TUBGCP2: variants seen among roughly 807,000 people sequenced by gnomAD.
The protein encoded by TUBGCP2 is gamma-tubulin complex component 2.
A neutral mutation model predicts 92.2 loss-of-function variants in TUBGCP2; 55 were observed. The observed-to-expected ratio is 0.60, with a 90% confidence interval of 0.48 to 0.75. The LOEUF (loss-of-function observed/expected upper bound fraction) is 0.75, where lower values mean the gene tolerates loss of function less well. TUBGCP2 is among the 30% of genes least tolerant of loss of function. TUBGCP2 has a pLI of 0.00. For missense variants in TUBGCP2, 1,093 were observed against 1,188.9 expected, an observed-to-expected ratio of 0.92 and a Z score of 1.19; for synonymous variants, 533 against 505.2, an observed-to-expected ratio of 1.06 and a Z score of -0.74.
In TUBGCP2 at chr10:133,292,901, G is replaced by C. The variant is rs1847394300; in HGVS notation, c.1024+138C>G. On this transcript the variant is annotated intron_variant, in intron 7 of 17. Transcript: ENST00000252936. ...TCCTCTTGCAAGTTAATAGCACATG[G>C]AGCAACATGAGCTTTGGCCACACGC... 2.6e-5 allele frequency: 29 copies of C among 1,121,952 alleles called. No individual in the cohort carries two copies. In the South Asian group the frequency reaches 4.0e-4, roughly 15 times the overall value. 69.5% of individuals were successfully genotyped at this position (1,121,952 alleles called of 1,614,324 possible).
chr10:133,308,319 G>A (rs1310605914), intron 1 of TUBGCP2, among the ~76,000 whole-genome samples: 1 of 152,216 alleles, frequency 6.6e-6, no homozygotes, highest in African/African-American at 2.4e-5. Context: ...CGGGAGCTGC[G>A]GGGACTGGAG....
chr10:133,293,533 G>A, intron 6 of TUBGCP2, 29 bp downstream of exon 6: 2 of 1,547,692 alleles, frequency 1.3e-6, no homozygotes, highest in Non-Finnish European at 8.7e-7. Context: ...CAACAGCGCA[G>A]GCTCCCAGGG....
chr10:133,292,567 C>A lies in TUBGCP2; in HGVS notation c.1146G>T (p.Ala382=), dbSNP rs762103235. The change falls in exon 8 of 18, where the codon GCG becomes GCT. Residue 382 remains alanine (A), a synonymous_variant. Transcript: ENST00000252936. ...GAACCTCGAAGTAGGGAGCACTGGCCGCCTTGGTTAGGTACAGGCATAGCT... is the reference window on the plus strand; with the variant it reads ...GAACCTCGAAGTAGGGAGCACTGGCAGCCTTGGTTAGGTACAGGCATAGCT... ...AQELCLYLTK[A]ASAPYFEVLE... 6.2e-7 allele frequency: 1 copy of A among 1,614,026 alleles called. No individual in the cohort carries two copies. The highest frequency in any genetic ancestry group is 8.5e-7 in the Non-Finnish European group (1 of 1,180,032).
chr10:133,302,837 G>T lies in TUBGCP2; in HGVS notation c.105C>A (p.Asn35Lys), dbSNP rs1847705854. 6.2e-7 allele frequency: 1 copy of T among 1,613,626 alleles called. No homozygotes were observed. Among genetic ancestry groups the T allele is most frequent in the Non-Finnish European group, 8.5e-7 (1 of 1,180,000 alleles). ...CAGTGGTAGTGACGTACGGGGTCCT[G>T]TTCTTTTGAAGCAGGTCAATGTAGA... Reference protein sequence around the residue: ...AEVYIDLLQKNRTPYVTTTVS... With the variant: ...AEVYIDLLQKKRTPYVTTTVS... The change falls in exon 2 of 18, where the codon AAC (asparagine) becomes AAA (lysine). Residue 35 changes from asparagine (N) to lysine (K), a missense_variant. Asn to Lys is a moderately conservative substitution (Grantham distance 94). Around this residue, in one of 3 missense-constraint regions of TUBGCP2, gnomAD observed 490 missense variants for 488.5 expected, o/e 1.00. Transcript: ENST00000252936.
chr10:133,287,775 G>C (rs1847168508), intron 11 of TUBGCP2, among the ~76,000 whole-genome samples: 1 of 151,538 alleles, frequency 6.6e-6, no homozygotes, highest in African/African-American at 2.4e-5. Flanking sequence ...ACAACAAAAA[G>C]GCAAAAACAA....
At chr10:133,304,842 T>C (rs1263537490) in intron 1 of TUBGCP2, among the ~76,000 whole-genome samples, 1 of 152,146 alleles carries the variant, frequency 6.6e-6, no homozygotes, top group Non-Finnish European at 1.5e-5. Context: ...TAGTGAGAAG[T>C]GACCAGAAGA....
chr10:133,280,279 G>C (rs1846934499), intron 17 of TUBGCP2, among the ~76,000 whole-genome samples: 1 of 152,218 alleles, frequency 6.6e-6, no homozygotes, highest in Admixed American at 6.5e-5. Flanking sequence ...CACCCCAACA[G>C]GGCCTAGCAA....
chr10:133,286,324 T>C (rs954246740), intron 11 of TUBGCP2, among the ~76,000 whole-genome samples: 5 of 152,182 alleles, frequency 3.3e-5, no homozygotes, highest in Admixed American at 1.3e-4. Flanking sequence ...GGGCCATGTA[T>C]TGTGACCCAA....
rs1554935348 is a variant in TUBGCP2 at position 133,289,811 on chromosome 10, C to CGCTGCGCCGCGGACGCCAAGTCCCTGCCT, written c.1360+12_1360+13insAGGCAGGGACTTGGCGTCCGCGGCGCAGC. ...GTGCTGCGCACCCCAAGTCCCCGCC[C>CGCTGCGCCGCGGACGCCAAGTCCCTGCCT]GCTGCGCCGCACCTGTGCTGAGGAT... On this transcript the variant is annotated intron_variant, in intron 9 of 17. Transcript: ENST00000252936. The CGCTGCGCCGCGGACGCCAAGTCCCTGCCT allele has an allele frequency of 2.3e-3, 3,654 of 1,613,016 alleles. 55 individuals carry two copies. In the African/African-American group the frequency reaches 0.03, roughly 13 times the overall value.
rs758377050 is a variant in TUBGCP2 at position 133,288,232 on chromosome 10, C to T, written c.1619G>A (p.Arg540Gln). Residue 540 changes from arginine to glutamine, a missense_variant, in exon 11 of 18, where the codon CGG becomes CAG. Around this residue, in one of 3 missense-constraint regions of TUBGCP2, gnomAD observed 598 missense variants for 675.5 expected, o/e 0.89. Coordinates refer to ENST00000252936, the MANE Select transcript of TUBGCP2 (RefSeq NM_006659.4). ...HFMDLAEEEL[R>Q]KPVEDITPPR... ...GGGCGTGATGTCCTCCACCGGCTTCCGGAGCTCCTCCTCCGCGAGGTCCAT... is the reference window on the plus strand; with the variant it reads ...GGGCGTGATGTCCTCCACCGGCTTCTGGAGCTCCTCCTCCGCGAGGTCCAT... 1.3e-5 allele frequency: 21 copies of T among 1,613,690 alleles called. No individual in the cohort carries two copies. Among genetic ancestry groups the T allele is most frequent in the Middle Eastern group, 1.6e-4 (1 of 6,084 alleles).
intron 5 of TUBGCP2, 139 bp downstream of exon 5, chr10:133,297,813 A>G: frequency 7.7e-7 from 1 of 1,303,796 alleles, no homozygotes; most frequent in Non-Finnish European, 1.0e-6. Context: ...GAGGAAAGGC[A>G]GGCCCGGGGG....
chr10:133,299,401 C>A, intron 4 of TUBGCP2, 26 bp downstream of exon 4: 1 of 1,548,946 alleles, frequency 6.5e-7, no homozygotes, highest in Non-Finnish European at 8.7e-7. Flanking sequence ...CAGCATGGAG[C>A]CTGTGGACAG....
At chr10:133,304,033 C>T (rs1258101344) in intron 1 of TUBGCP2, among the ~76,000 whole-genome samples, 1 of 152,162 alleles carries the variant, frequency 6.6e-6, no homozygotes, top group Non-Finnish European at 1.5e-5. Context: ...CGATACAAGG[C>T]CATTAAGACA....
At position 133,292,578 on chromosome 10, in the gene TUBGCP2, G is replaced by C. The variant is rs1418402583; in HGVS notation, c.1135C>G (p.Leu379Val). 1.9e-6 allele frequency: 3 copies of C among 1,614,060 alleles called. No individual in the cohort carries two copies. Among genetic ancestry groups the C allele is most frequent in the Non-Finnish European group, 2.5e-6 (3 of 1,180,034 alleles). ...TAGGGAGCACTGGCCGCCTTGGTTA[G>C]GTACAGGCATAGCTCCTGCGCCTGG... ...DSQAQELCLY[L>V]TKAASAPYFE... The change falls in exon 8 of 18, where the codon CTA becomes GTA. Residue 379 changes from leucine to valine, a missense_variant. Coordinates refer to ENST00000252936, the MANE Select transcript of TUBGCP2 (RefSeq NM_006659.4).
intron 13 of TUBGCP2, among the ~76,000 whole-genome samples, chr10:133,284,859 C>A (rs1274784191): frequency 6.6e-6 from 1 of 152,228 alleles, no homozygotes; most frequent in Non-Finnish European, 1.5e-5. Flanking sequence ...AGGGACAGAG[C>A]CAGCATCCCC....
chr10:133,284,937 TA>T, intron 13 of TUBGCP2, 147 bp downstream of exon 13: 2 of 1,239,316 alleles, frequency 1.6e-6, no homozygotes, highest in Non-Finnish European at 2.2e-6. Flanking sequence ...ATTATGGATC[TA>T]AAGCCACCAA....
At chr10:133,301,700 C>CTTTTTTTT (rs71016439) in intron 2 of TUBGCP2, 11 of 87,254 alleles carry the variant, frequency 1.3e-4, no homozygotes, top group African/African-American at 4.0e-4. Context: ...CAGTCCCTCC[C>CTTTTTTTT]TTTTTTTTTT....
At chr10:133,308,363 C>T (rs1298186936) in intron 1 of TUBGCP2, 1 of 152,238 alleles carries the variant, frequency 6.6e-6, no homozygotes, top group Non-Finnish European at 1.5e-5. Context: ...CAGGAAAGGG[C>T]CTTTGAACTA....
At chr10:133,292,046 C>G (rs1300264180) in intron 8 of TUBGCP2, among the ~76,000 whole-genome samples, 1 of 11,658 alleles carries the variant, frequency 8.6e-5, no homozygotes, top group Admixed American at 5.5e-4. Flanking sequence ...CGTGTCCCTC[C>G]GTGTCCCCCA....
Sources: allele counts gnomAD v4.1 joint callset (sites outside exome capture counted in the v4.1 genomes callset), GRCh38; gene constraint gnomAD v4.1.1; regional missense constraint gnomAD v4.1.1; transcripts MANE v1.5; gene names NCBI Gene and HGNC (gene_info 2026-07-23, HGNC 2026-07-21).